Variants in SUPT3H observed in about 807,000 individuals in gnomAD.
SUPT3H encodes transcription initiation protein SPT3 homolog.
In SUPT3H, 44 loss-of-function variants were observed where a neutral mutation model predicts 44.3. The ratio of observed to expected loss-of-function variants is 0.99; its 90% CI spans 0.78 to 1.28. The LOEUF (loss-of-function observed/expected upper bound fraction) is 1.28. Ranked by LOEUF, SUPT3H falls within the 50% of genes most tolerant of loss-of-function variation. SUPT3H has a pLI of 0.00. For missense variants in SUPT3H, 380 were observed against 387.1 expected (o/e 0.98, Z 0.15); for synonymous variants, 124 against 125.6 (o/e 0.99, Z 0.09).
chr6:45,329,010 T>C (rs909766688), intron 2 of SUPT3H, among the ~76,000 whole-genome samples: 25 of 152,024 alleles, frequency 1.6e-4, no homozygotes, highest in African/African-American at 5.8e-4. Context: ...AAAATTAAAT[T>C]ATCTCACATT....
chr6:45,244,744 C>T (rs1447731533), intron 2 of SUPT3H, among the ~76,000 whole-genome samples: 5 of 152,168 alleles, frequency 3.3e-5, no homozygotes, highest in South Asian at 4.1e-4. Flanking sequence ...TTCTCTTTCA[C>T]ATTAACCTAA....
chr6:45,336,172 T>C lies in SUPT3H; in HGVS notation c.101+29029A>G, dbSNP rs533295416. Among the ~76,000 whole-genome samples, 30 of 148,514 alleles carry C rather than the reference T, an allele frequency of 2.0e-4. No homozygotes were observed. In the South Asian group the frequency reaches 6.1e-3, roughly 30 times the overall value. ...ATACATTATTTCTCTCTCTGTAATT[T>C]AGAAGGAAAACTTAACATTTTAAAA... On this transcript the variant is annotated intron_variant, in intron 2 of 10. Transcript: ENST00000371459.
chr6:45,221,844 C>T (rs1766112904), intron 2 of SUPT3H, among the ~76,000 whole-genome samples: 2 of 152,056 alleles, frequency 1.3e-5, no homozygotes, highest in Non-Finnish European at 2.9e-5. Context: ...AAAAGAAGAA[C>T]AAATGAAAGG....
chr6:44,905,049 C>T (rs538348484), intron 10 of SUPT3H, among the ~76,000 whole-genome samples: 125 of 152,108 alleles, frequency 8.2e-4, no homozygotes, highest in African/African-American at 2.6e-3. Flanking sequence ...AAACGTTAGA[C>T]CTAAAACCAT....
intron 10 of SUPT3H, among the ~76,000 whole-genome samples, chr6:44,903,635 T>G (rs1765484651): frequency 6.6e-6 from 1 of 152,162 alleles, no homozygotes; most frequent in African/African-American, 2.4e-5. Flanking sequence ...CTTCTGAAAG[T>G]ATTCCAATCA....
intron 2 of SUPT3H, 63 bp from the exon 3 acceptor site, chr6:45,106,069 A>G: frequency 7.7e-7 from 1 of 1,290,330 alleles, no homozygotes; most frequent in African/African-American, 1.5e-5. Flanking sequence ...GCAAAAAGTG[A>G]AACATTTATT....
intron 2 of SUPT3H, among the ~76,000 whole-genome samples, chr6:45,223,018 T>A (rs9369549): frequency 6.6e-6 from 1 of 152,032 alleles, no homozygotes; most frequent in African/African-American, 2.4e-5. Context: ...CAAATCAGTG[T>A]TTGCCATGGG....
chr6:45,360,826 T>G (rs1455739227), intron 2 of SUPT3H, among the ~76,000 whole-genome samples: 1 of 152,196 alleles, frequency 6.6e-6, no homozygotes, highest in African/African-American at 2.4e-5. Context: ...TAAACGTAGG[T>G]AGCTTATCCT....
At chr6:45,122,697 A>C (rs939174584) in intron 2 of SUPT3H, among the ~76,000 whole-genome samples, 1 of 152,162 alleles carries the variant, frequency 6.6e-6, no homozygotes, top group Admixed American at 6.5e-5. Context: ...TTAAAAAAAA[A>C]TTTTGGGAGT....
chr6:44,927,920 GCTTA>G (rs565925708), intron 10 of SUPT3H, among the ~76,000 whole-genome samples: 57 of 152,214 alleles, frequency 3.7e-4, no homozygotes, highest in African/African-American at 9.6e-4. Context: ...AATGGTTTCC[GCTTA>G]CTTTGTATTA....
At position 45,109,533 on chromosome 6, in the gene SUPT3H, G is replaced by A. The variant is rs900281885; in HGVS notation, c.102-3527C>T. Reference sequence around the variant, plus strand: ...AAAACAGTTTTCATGAGCATACACTGTAAAGTAAGTACCTAAATTAGTTAC... The same window carrying A: ...AAAACAGTTTTCATGAGCATACACTATAAAGTAAGTACCTAAATTAGTTAC... On this transcript the variant is annotated intron_variant, in intron 2 of 10. Transcript: ENST00000371459. Among the ~76,000 whole-genome samples the A allele has an allele frequency of 3.4e-5, 5 of 148,948 alleles. No individual in the cohort carries two copies. In the Admixed American group the frequency reaches 3.4e-4, roughly 10 times the overall value.
rs141220798 is a variant in SUPT3H, at chr6:44,892,524, T to A, written c.912+40129A>T. Among the ~76,000 whole-genome samples the A allele has an allele frequency of 2.2e-3, 331 of 152,296 alleles. 1 individual carries two copies. Among genetic ancestry groups the A allele is most frequent in the African/African-American group, 7.6e-3 (317 of 41,566 alleles). On this transcript the variant is annotated intron_variant, in intron 10 of 10. Coordinates refer to ENST00000371459, the MANE Select transcript of SUPT3H (RefSeq NM_003599.4). ...CTGTGGTATTTTGTTATGGCAGCCC[T>A]AGCTAACTAAGACAAAGTCTACAGT...
chr6:45,102,150 T>A (rs1000853843), intron 3 of SUPT3H, among the ~76,000 whole-genome samples: 2 of 152,228 alleles, frequency 1.3e-5, no homozygotes, highest in Middle Eastern at 3.4e-3. Flanking sequence ...CAACAAAAAA[T>A]TTAATATTAT....
chr6:44,936,156 T>C (rs1370790435), intron 9 of SUPT3H, among the ~76,000 whole-genome samples: 1 of 152,210 alleles, frequency 6.6e-6, no homozygotes, highest in African/African-American at 2.4e-5. Flanking sequence ...CAAGGAAGTA[T>C]TGTCTTTCTC....
At chr6:45,290,474 G>A (rs73735346) in intron 2 of SUPT3H, among the ~76,000 whole-genome samples, 1,152 of 94,410 alleles carry the variant, frequency 0.012, 19 homozygotes, top group African/African-American at 0.033. Flanking sequence ...AAAAAAAAAA[G>A]CAGAGGGTAG....
At chr6:45,342,083 A>T (rs1339117977) in intron 2 of SUPT3H, among the ~76,000 whole-genome samples, 1 of 152,174 alleles carries the variant, frequency 6.6e-6, no homozygotes, top group Non-Finnish European at 1.5e-5. Flanking sequence ...ATTTGGCAGC[A>T]GTTATGGAAG....
At chr6:45,164,616 AG>A (rs1236197092) in intron 2 of SUPT3H, among the ~76,000 whole-genome samples, 2 of 152,082 alleles carry the variant, frequency 1.3e-5, no homozygotes, top group African/African-American at 4.8e-5. Context: ...GCTTGGCCTA[AG>A]CCTCAGTACT....
intron 2 of SUPT3H, among the ~76,000 whole-genome samples, chr6:45,121,662 T>C (rs1056005500): frequency 1.3e-5 from 2 of 152,238 alleles, no homozygotes; most frequent in East Asian, 3.9e-4. Flanking sequence ...ATAGATTTTT[T>C]TTGGGTTTTT....
chr6:45,310,819 C>G (rs1783831625), intron 2 of SUPT3H, among the ~76,000 whole-genome samples: 2 of 152,142 alleles, frequency 1.3e-5, no homozygotes, highest in African/African-American at 4.8e-5. Context: ...AGAGCCTACC[C>G]AAATAGGAAA....
Sources: allele counts gnomAD v4.1 joint callset (sites outside exome capture counted in the v4.1 genomes callset), GRCh38; gene constraint gnomAD v4.1.1; transcripts MANE v1.5; gene names NCBI Gene and HGNC (gene_info 2026-07-23, HGNC 2026-07-21).